EXPH5: variants seen among roughly 807,000 people sequenced by gnomAD.
The protein encoded by EXPH5 is exophilin-5.
In EXPH5, 42 loss-of-function variants were observed where a neutral mutation model predicts 41.1. The observed-to-expected ratio is 1.02, with a 90% CI of 0.80 to 1.32. EXPH5 has a LOEUF of 1.32. EXPH5 is among the 40% of genes most tolerant of loss of function. The pLI, the probability that EXPH5 is intolerant of heterozygous loss-of-function variation, is 0.00. For missense variants in EXPH5, 2,298 were observed against 2,314.5 expected (o/e 0.99, Z 0.15); for synonymous variants, 798 against 833.5 (o/e 0.96, Z 0.73).
intron 3 of EXPH5, among the ~76,000 whole-genome samples, chr11:108,531,119 A>T (rs2093835070): frequency 6.6e-6 from 1 of 152,122 alleles, no homozygotes; most frequent in Non-Finnish European, 1.5e-5. Flanking sequence ...TATCTGAGAG[A>T]TTTCACATAT....
In EXPH5 at chr11:108,539,107, G is replaced by T; in HGVS notation, c.360C>A (p.Ser120Arg). The change falls in exon 3 of 6, where the codon AGC becomes AGA. Residue 120 changes from serine to arginine, a missense_variant. By Grantham distance (110) the Ser-to-Arg change is moderately radical. Transcript: ENST00000265843. ...KKPTPFSSRM[S>R]FRSSFASLFS... ...ACAGGGAAGCAAATGACGATCTGAA[G>T]CTCATCCGGGAAGAAAAAGGTGTCG... 6.2e-7 allele frequency: 1 copy of T among 1,611,906 alleles called. No homozygotes were observed. Among genetic ancestry groups the T allele is most frequent in the Non-Finnish European group, 8.5e-7 (1 of 1,178,634 alleles).
chr11:108,555,233 T>C (rs1353464120), intron 1 of EXPH5, among the ~76,000 whole-genome samples: 1 of 152,240 alleles, frequency 6.6e-6, no homozygotes, highest in Non-Finnish European at 1.5e-5. Flanking sequence ...ATTGCAAGAA[T>C]ATTGCATGTA....
intron 1 of EXPH5, among the ~76,000 whole-genome samples, chr11:108,558,496 TTCTAAC>T (rs2093999092): frequency 6.6e-6 from 1 of 152,210 alleles, no homozygotes; most frequent in South Asian, 2.1e-4. Flanking sequence ...ATCTCATGGT[TTCTAAC>T]TCTGTCTCCC....
intron 1 of EXPH5, among the ~76,000 whole-genome samples, chr11:108,588,459 A>G (rs1252798575): frequency 6.6e-6 from 1 of 152,248 alleles, no homozygotes; most frequent in Non-Finnish European, 1.5e-5. Context: ...AGGAGGCAGC[A>G]CAGCACAGTG....
At position 108,593,635 on chromosome 11, in the gene EXPH5, C is replaced by A; in HGVS notation, c.-99G>T. 1.2e-6 allele frequency: 2 copies of A among 1,600,154 alleles called. No homozygotes were observed. The highest frequency in any genetic ancestry group is 1.7e-6 in the Non-Finnish European group (2 of 1,172,126). ...AAGACCAGTTTCACGAACTTGATCC[C>A]ACAGCCAATAATAAGTCCGCCCCTT... On this transcript the variant is annotated 5_prime_UTR_variant, in exon 1 of 6. Transcript: ENST00000265843.
At chr11:108,566,389 A>G (rs2094034722) in intron 1 of EXPH5, among the ~76,000 whole-genome samples, 1 of 152,206 alleles carries the variant, frequency 6.6e-6, no homozygotes, top group Non-Finnish European at 1.5e-5. Flanking sequence ...GAAGGCTTTC[A>G]TAGGCAGACT....
chr11:108,567,865 T>C (rs2094041414), intron 1 of EXPH5: 1 of 152,192 alleles, frequency 6.6e-6, no homozygotes. Flanking sequence ...AATTCTGGAA[T>C]ACCAAAGCCA....
intron 1 of EXPH5, among the ~76,000 whole-genome samples, chr11:108,585,141 C>T (rs1280461540): frequency 6.6e-6 from 1 of 152,120 alleles, no homozygotes; most frequent in Non-Finnish European, 1.5e-5. Context: ...CAAGTAAGCA[C>T]ATAAAAAGAT....
chr11:108,537,021 G>C (rs1273785493), intron 3 of EXPH5, among the ~76,000 whole-genome samples: 1 of 152,164 alleles, frequency 6.6e-6, no homozygotes. Flanking sequence ...CAGGGTGCTC[G>C]TAGGTAAGGA....
intron 3 of EXPH5, chr11:108,538,104 G>T (rs757953291): frequency 3.2e-5 from 32 of 985,282 alleles, no homozygotes; most frequent in Non-Finnish European, 3.6e-5. Context: ...CACCCAAGAG[G>T]GGAGGACAGT....
chr11:108,583,699 T>C (rs1264183457), intron 1 of EXPH5, among the ~76,000 whole-genome samples: 1 of 151,602 alleles, frequency 6.6e-6, no homozygotes, highest in Non-Finnish European at 1.5e-5. Flanking sequence ...AAAAGTCATC[T>C]ACAAAAAAAT....
intron 1 of EXPH5, among the ~76,000 whole-genome samples, chr11:108,571,756 A>G (rs1053881152): frequency 1.1e-4 from 16 of 152,146 alleles, no homozygotes. Context: ...ACATGACAGC[A>G]ATGTTTAAAA....
Position 108,559,037 on chromosome 11 carries a change from G to A in EXPH5, c.120-17225C>T, listed in dbSNP as rs114129656. Among the ~76,000 whole-genome samples the A allele has an allele frequency of 1.5e-3, 221 of 152,060 alleles. 1 individual carries two copies. Among genetic ancestry groups the A allele is most frequent in the African/African-American group, 4.9e-3 (201 of 41,344 alleles). ...TCACCCCACCAGCATGATGATAATC[G>A]TTGAGTAAGAACAGTTATTTCCAGA... is the stretch of plus-strand genomic sequence containing the variant. On this transcript the variant is annotated intron_variant, in intron 1 of 5. Transcript: ENST00000265843.
chr11:108,593,565 A>G lies in EXPH5; in HGVS notation c.-29T>C, dbSNP rs1393769892. On this transcript the variant is annotated 5_prime_UTR_variant, in exon 1 of 6. Coordinates refer to ENST00000265843, the MANE Select transcript of EXPH5 (RefSeq NM_015065.3). ...CTTTACTGTGTGTGAGTTACACTTA[A>G]GCTCCTTGGCGCCTCCTGTTAGGAA... The G allele has an allele frequency of 1.9e-6, 3 of 1,613,948 alleles. No individual in the cohort carries two copies. Among genetic ancestry groups the G allele is most frequent in the Admixed American group, 1.7e-5 (1 of 59,986 alleles).
At chr11:108,566,143 CT>C (rs1170388745) in intron 1 of EXPH5, among the ~76,000 whole-genome samples, 2 of 152,192 alleles carry the variant, frequency 1.3e-5, no homozygotes, top group Non-Finnish European at 2.9e-5. Flanking sequence ...AAGATTCTTG[CT>C]TTAGCATTAT....
At chr11:108,518,192 T>C (rs2093739423) in intron 5 of EXPH5, 43 bp downstream of exon 5, 2 of 1,575,170 alleles carry the variant, frequency 1.3e-6, no homozygotes, top group Non-Finnish European at 1.7e-6. Context: ...TTACTTCCTT[T>C]AGTTATCAGT....
At chr11:108,569,878 C>T (rs1158516866) in intron 1 of EXPH5, among the ~76,000 whole-genome samples, 1 of 152,220 alleles carries the variant, frequency 6.6e-6, no homozygotes, top group Non-Finnish European at 1.5e-5. Context: ...GAGGCACTGG[C>T]AGGAGGGTCT....
chr11:108,548,072 G>A (rs2093946519), intron 1 of EXPH5, among the ~76,000 whole-genome samples: 1 of 132,328 alleles, frequency 7.6e-6, no homozygotes, highest in Non-Finnish European at 1.5e-5. Context: ...TTGCACCACT[G>A]CACTCCAGCC....
intron 1 of EXPH5, among the ~76,000 whole-genome samples, chr11:108,574,947 C>G (rs2136105923): frequency 6.6e-6 from 1 of 152,328 alleles, no homozygotes; most frequent in African/African-American, 2.4e-5. Flanking sequence ...TTCTAACATA[C>G]TTAAACCACT....
Sources: allele counts gnomAD v4.1 joint callset (sites outside exome capture counted in the v4.1 genomes callset), GRCh38; gene constraint gnomAD v4.1.1; transcripts MANE v1.5; gene names NCBI Gene and HGNC (gene_info 2026-07-23, HGNC 2026-07-21).